The following MYO5C variants were observed in gnomAD, a reference collection of about 807,000 sequenced individuals.
The protein encoded by MYO5C is unconventional myosin-Vc.
Under a neutral mutation model 235.7 loss-of-function variants are expected in MYO5C, and 194 were observed. The ratio of observed to expected loss-of-function variants is 0.82; its 90% CI spans 0.73 to 0.93. The LOEUF is 0.93. Ranked by LOEUF, MYO5C falls within the 40% of genes least tolerant of loss-of-function variation. The pLI, the probability that MYO5C is intolerant of heterozygous loss-of-function variation, is 0.00. For synonymous variants in MYO5C, 707 were observed against 754.8 expected, an observed-to-expected ratio of 0.94 and a Z score of 1.04; for missense variants, 2,038 against 2,127.2, an observed-to-expected ratio of 0.96 and a Z score of 0.82.
At chr15:52,219,702 G>T in intron 31 of MYO5C, 57 bp downstream of exon 31, 1 of 1,379,152 alleles carries the variant, frequency 7.3e-7, no homozygotes, top group Non-Finnish European at 1.0e-6. Flanking sequence ...ATATTCTACA[G>T]TTTCAGAAAA....
intron 20 of MYO5C, 138 bp downstream of exon 20, chr15:52,241,910 A>G: frequency 3.0e-6 from 3 of 993,864 alleles, no homozygotes; most frequent in Non-Finnish European, 4.5e-6. Flanking sequence ...AGCACCTGGA[A>G]GAATCTCCTT....
In MYO5C at chr15:52,256,587, A is replaced by ACACACACACACACACACACG; in HGVS notation, c.1395+51_1395+52insCGTGTGTGTGTGTGTGTGTG. The ACACACACACACACACACACG allele has an allele frequency of 5.1e-5, 29 of 567,866 alleles. No individual in the cohort carries two copies. In the African/African-American group the frequency reaches 5.5e-4, roughly 11 times the overall value. 35.2% of individuals were successfully genotyped at this position (567,866 alleles called of 1,614,324 possible). Reference sequence around the variant, plus strand: ...AACACACACACACACACACACACACACGCGCGCGCGCGCGGCTGAGAACTA... The same window carrying ACACACACACACACACACACG: ...AACACACACACACACACACACACACACACACACACACACACACACGCGCGCGCGCGCGCGGCTGAGAACTA... On this transcript the variant is annotated intron_variant, in intron 11 of 40. Coordinates refer to ENST00000261839, the MANE Select transcript of MYO5C (RefSeq NM_018728.4).
At chr15:52,286,323 G>A (rs1401029857) in intron 1 of MYO5C, among the ~76,000 whole-genome samples, 1 of 149,160 alleles carries the variant, frequency 6.7e-6, no homozygotes, top group Non-Finnish European at 1.5e-5. Context: ...GGTGGGGGGG[G>A]TCAGCCCCCC....
At chr15:52,227,065 T>G (rs2035839950) in intron 25 of MYO5C, among the ~76,000 whole-genome samples, 1 of 151,386 alleles carries the variant, frequency 6.6e-6, no homozygotes, top group Non-Finnish European at 1.5e-5. Context: ...GGCATGAGAA[T>G]CGCTTGAACC....
intron 32 of MYO5C, among the ~76,000 whole-genome samples, chr15:52,217,333 C>T (rs529836412): frequency 4.6e-5 from 7 of 152,314 alleles, no homozygotes; most frequent in Admixed American, 3.3e-4. Context: ...GCGCCAGGAC[C>T]GAGCTGTGCT....
intron 38 of MYO5C, among the ~76,000 whole-genome samples, chr15:52,202,753 AT>A (rs1410146615): frequency 6.6e-6 from 1 of 152,140 alleles, no homozygotes; most frequent in African/African-American, 2.4e-5. Flanking sequence ...TGTCATGAGA[AT>A]TTGTGGGAAT....
At position 52,264,220 on chromosome 15, in the gene MYO5C, G is replaced by A. The variant is rs542388016; in HGVS notation, c.1017C>T (p.Thr339=). ...CTGAGGACCTCTCGTTGCCCACCGC[G>A]GTGATCTGCACATTGCCCAGATGTA... ...AILHLGNVQI[T]AVGNERSSVS... The change falls in exon 9 of 41, where the codon ACC becomes ACT. Residue 339 remains threonine (T), a synonymous_variant. Coordinates refer to ENST00000261839, the MANE Select transcript of MYO5C (RefSeq NM_018728.4). 38 of 1,613,684 alleles carry A rather than the reference G, an allele frequency of 2.4e-5. No individual in the cohort carries two copies. The highest frequency in any genetic ancestry group is 1.3e-4 in the South Asian group (12 of 91,058).
chr15:52,264,076 G>T, intron 9 of MYO5C, 114 bp downstream of exon 9: 1 of 726,530 alleles, frequency 1.4e-6, no homozygotes, highest in Non-Finnish European at 2.3e-6. Context: ...TGTTAAACCA[G>T]TCTACCCAGG....
chr15:52,241,777 T>C (rs567680136), intron 20 of MYO5C, among the ~76,000 whole-genome samples: 8 of 152,184 alleles, frequency 5.3e-5, no homozygotes, highest in African/African-American at 1.9e-4. Flanking sequence ...GGTCTCCCTC[T>C]GTCACCCACG....
At chr15:52,254,582 C>G (rs974697629) in intron 11 of MYO5C, among the ~76,000 whole-genome samples, 1 of 150,028 alleles carries the variant, frequency 6.7e-6, no homozygotes, top group African/African-American at 2.5e-5. Context: ...TCTGTGCTGA[C>G]AATTGAAGAT....
Position 52,214,677 on chromosome 15 carries a change from T to A in MYO5C, c.3968A>T (p.Glu1323Val). The change falls in exon 33 of 41, where the codon GAA becomes GTA. Residue 1323 changes from glutamate (E) to valine (V), a missense_variant. Glu to Val is a moderately radical substitution (Grantham distance 121, BLOSUM62 -2). Transcript: ENST00000261839. ...AATCACTCTGTCTTTCATGTCTAAT[T>A]CTTCTTCAAGATCCTACAGCAATAA... is the stretch of plus-strand genomic sequence containing the variant. ...LTLENRDLEE[E>V]LDMKDRVIKK... 1 of 1,605,672 alleles carries A rather than the reference T, an allele frequency of 6.2e-7. No homozygotes were observed. The highest frequency in any genetic ancestry group is 1.1e-5 in the South Asian group (1 of 89,524).
chr15:52,279,073 GTTT>G (rs774181870), intron 3 of MYO5C, 56 bp from the exon 4 acceptor site: 4 of 1,407,156 alleles, frequency 2.8e-6, no homozygotes, highest in Non-Finnish European at 2.9e-6. Context: ...TGCATCTCCA[GTTT>G]TTTTTTTTTT....
rs148957716 is a variant in MYO5C at position 52,192,892 on chromosome 15, G to A, written c.*1010C>T. The A allele has an allele frequency of 2.0e-5, 3 of 152,282 alleles. No individual in the cohort carries two copies. Among genetic ancestry groups the A allele is most frequent in the African/African-American group, 7.2e-5 (3 of 41,544 alleles). The allele number at this position is 152,282 out of a possible 1,614,324, so 9.4% of individuals were successfully genotyped here. On this transcript the variant is annotated 3_prime_UTR_variant, in exon 41 of 41. Transcript: ENST00000261839. ...AAAAATTATGGTGAATATGTTGGCA[G>A]GTAAGATTTGAAGTTCTTTCAGAGA... is the stretch of plus-strand genomic sequence containing the variant.
intron 32 of MYO5C, among the ~76,000 whole-genome samples, chr15:52,215,285 C>T (rs2035528315): frequency 2.0e-5 from 3 of 152,158 alleles, no homozygotes; most frequent in Non-Finnish European, 2.9e-5. Flanking sequence ...CTGGTTTTGC[C>T]TTTCTTTCCT....
At chr15:52,248,334 C>A (rs958214046) in intron 14 of MYO5C, among the ~76,000 whole-genome samples, 35 of 152,030 alleles carry the variant, frequency 2.3e-4, no homozygotes, top group Admixed American at 2.2e-3. Context: ...TTAGAAGAGA[C>A]AGGGTCTTGC....
chr15:52,268,883 C>A (rs2036863920), intron 8 of MYO5C, among the ~76,000 whole-genome samples: 1 of 152,240 alleles, frequency 6.6e-6, no homozygotes, highest in Non-Finnish European at 1.5e-5. Flanking sequence ...CACTCTGAAT[C>A]AGTTGCCTAA....
At chr15:52,270,565 ACT>A (rs929076530) in intron 7 of MYO5C, among the ~76,000 whole-genome samples, 220 of 149,000 alleles carry the variant, frequency 1.5e-3, no homozygotes, top group African/African-American at 5.0e-3. Context: ...CCGGATAATG[ACT>A]CTCTCTCTCT....
At chr15:52,291,528 A>G (rs73406657) in intron 1 of MYO5C, among the ~76,000 whole-genome samples, 13,390 of 151,416 alleles carry the variant, frequency 0.088, 1,406 homozygotes, top group African/African-American at 0.25. Context: ...CCTCCCTTTC[A>G]CGGGTCATGT....
chr15:52,251,874 A>G (rs2036480804), intron 12 of MYO5C, among the ~76,000 whole-genome samples: 1 of 152,118 alleles, frequency 6.6e-6, no homozygotes, highest in African/African-American at 2.4e-5. Context: ...CATGTTGGCC[A>G]GGCTGGCCTC....
Sources: allele counts gnomAD v4.1 joint callset (sites outside exome capture counted in the v4.1 genomes callset), GRCh38; gene constraint gnomAD v4.1.1; transcripts MANE v1.5; gene names NCBI Gene and HGNC (gene_info 2026-07-23, HGNC 2026-07-21).